Variants in ERAP1 observed in about 807,000 individuals in gnomAD.
ERAP1 encodes the protein endoplasmic reticulum aminopeptidase 1.
ERAP1 carries 86 observed loss-of-function variants against 103.7 expected under a neutral mutation model. That is an observed-to-expected ratio of 0.83 (90% CI 0.70 to 0.99). The LOEUF (loss-of-function observed/expected upper bound fraction) is 0.99, where lower values mean the gene tolerates loss of function less well. Among genes scored for constraint, ERAP1 ranks in the 50% least tolerant of loss-of-function variants. The pLI is 0.00. For missense variants in ERAP1, 1,009 were observed against 1,128.4 expected, an observed-to-expected ratio of 0.89 and a Z score of 1.52; for synonymous variants, 398 against 402.4, an observed-to-expected ratio of 0.99 and a Z score of 0.13.
the ERAP1 span, among the ~76,000 whole-genome samples, chr5:96,882,896 C>G: frequency 6.6e-6 from 1 of 152,162 alleles, no homozygotes; most frequent in Non-Finnish European, 1.5e-5. Flanking sequence ...TTCTATTCCC[C>G]CCTCCTTTTC....
At chr5:96,769,308 A>G (rs1263682854) in intron 19 of ERAP1, 1 of 150,380 alleles carries the variant, frequency 6.6e-6, no homozygotes, top group Non-Finnish European at 1.5e-5. Context: ...AATGGACTTT[A>G]TTTTTATACG....
chr5:96,881,611 T>C, the ERAP1 span: 1 of 415,150 alleles, frequency 2.4e-6, no homozygotes, highest in South Asian at 1.8e-5. Flanking sequence ...AGTCCAGAAG[T>C]AGGGCAGCTC....
chr5:96,867,196 G>A, the ERAP1 span, among the ~76,000 whole-genome samples: 7 of 151,670 alleles, frequency 4.6e-5, no homozygotes, highest in African/African-American at 1.2e-4. Context: ...TAATAGAGAC[G>A]GGGTTTCATC....
At chr5:96,903,745 A>G in the ERAP1 span, among the ~76,000 whole-genome samples, 1 of 152,168 alleles carries the variant, frequency 6.6e-6, no homozygotes, top group Non-Finnish European at 1.5e-5. Flanking sequence ...AGTGTTTATA[A>G]TTGTAATCCA....
chr5:96,895,315 A>G, the ERAP1 span: 2 of 1,612,984 alleles, frequency 1.2e-6, no homozygotes, highest in Non-Finnish European at 1.7e-6. Flanking sequence ...TGCAAAATAC[A>G]TGGAACTTAT....
At chr5:96,853,783 A>C in the ERAP1 span, among the ~76,000 whole-genome samples, 1 of 151,648 alleles carries the variant, frequency 6.6e-6, no homozygotes, top group Non-Finnish European at 1.5e-5. Flanking sequence ...TTTGTGAGCG[A>C]GTACCTAAGG....
intron 3 of ERAP1, among the ~76,000 whole-genome samples, chr5:96,798,273 C>T (rs1179512525): frequency 7.0e-6 from 1 of 142,064 alleles, no homozygotes; most frequent in Non-Finnish European, 1.5e-5. Context: ...TGCAGTGAGC[C>T]GAGATCACGC....
the ERAP1 span, among the ~76,000 whole-genome samples, chr5:96,924,302 G>C: frequency 3.3e-4 from 50 of 152,212 alleles, no homozygotes; most frequent in Non-Finnish European, 1.3e-4. Flanking sequence ...GGTGCTGACT[G>C]ACTGACAGCC....
chr5:96,860,189 G>A, the ERAP1 span, among the ~76,000 whole-genome samples: 7,391 of 152,164 alleles, frequency 0.049, 221 homozygotes, highest in South Asian at 0.11. Context: ...GAGTAGCTGG[G>A]ATTACAGGCG....
intron 1 of ERAP1, among the ~76,000 whole-genome samples, chr5:96,805,346 G>GT (rs368326043): frequency 0.19 from 22,491 of 118,894 alleles, 1,994 homozygotes; most frequent in Non-Finnish European, 0.25. Flanking sequence ...CTGGTTTTTG[G>GT]TTTTTTTTTT....
downstream of ERAP1, chr5:96,770,284 G>A (rs1358967584): frequency 1.7e-5 from 8 of 470,554 alleles, no homozygotes; most frequent in South Asian, 1.9e-4. Flanking sequence ...GGTGAGTCAG[G>A]CACCACGGGA....
At chr5:96,866,065 T>C in the ERAP1 span, among the ~76,000 whole-genome samples, 1 of 152,266 alleles carries the variant, frequency 6.6e-6, no homozygotes, top group Non-Finnish European at 1.5e-5. Flanking sequence ...TACTATTCTA[T>C]GTATTTACAA....
At chr5:96,858,066 G>C in the ERAP1 span, among the ~76,000 whole-genome samples, 1 of 152,232 alleles carries the variant, frequency 6.6e-6, no homozygotes. Flanking sequence ...GCAGCTTGCA[G>C]GGGCAAAGAG....
the ERAP1 span, chr5:96,915,703 A>T: frequency 1.3e-6 from 2 of 1,555,336 alleles, no homozygotes; most frequent in Non-Finnish European, 1.7e-6. Flanking sequence ...ACTTGGGCTC[A>T]TATGACATAA....
chr5:96,840,209 A>G, the ERAP1 span, among the ~76,000 whole-genome samples: 1 of 152,210 alleles, frequency 6.6e-6, no homozygotes, highest in Non-Finnish European at 1.5e-5. Flanking sequence ...TGTCTGTCTC[A>G]AAACTTTTAA....
intron 7 of ERAP1, 68 bp from the exon 8 acceptor site, chr5:96,792,260 A>G: frequency 2.0e-6 from 3 of 1,519,936 alleles, no homozygotes; most frequent in Non-Finnish European, 2.7e-6. Context: ...CAAAGGTGGG[A>G]CATTTTATCT....
chr5:96,767,515 T>C, intron 19 of ERAP1: 1 of 1,588,416 alleles, frequency 6.3e-7, no homozygotes. Flanking sequence ...TCCATTAAAT[T>C]TTGTTTTATT....
At chr5:96,918,661 T>G in the ERAP1 span, 1 of 152,208 alleles carries the variant, frequency 6.6e-6, no homozygotes, top group African/African-American at 2.4e-5. Context: ...ACCTCAAGGG[T>G]AGATTTTTGA....
intron 19 of ERAP1, chr5:96,767,605 A>G (rs1441393667): frequency 4.7e-5 from 33 of 705,626 alleles, no homozygotes; most frequent in East Asian, 1.1e-4. Context: ...TTGTCAAAGC[A>G]TGCATATAAA....
Sources: gnomAD v4.1 joint callset for allele counts (sites outside exome capture counted in the v4.1 genomes callset) on GRCh38, gnomAD v4.1.1 for gene constraint, MANE v1.5 for transcripts, NCBI Gene and HGNC (gene_info 2026-07-23, HGNC 2026-07-21) for gene names.